Variants in PCDHGA1 observed in about 807,000 individuals in gnomAD.
PCDHGA1 encodes the protein protocadherin gamma subfamily A, 1.
In PCDHGA1, 32 loss-of-function variants were observed where a neutral mutation model predicts 58.0. That is an observed-to-expected ratio of 0.55 (90% CI 0.42 to 0.74). The LOEUF (loss-of-function observed/expected upper bound fraction) is 0.74, where lower values mean the gene tolerates loss of function less well. Among genes scored for constraint, PCDHGA1 ranks in the 30% least tolerant of loss-of-function variants. The probability of loss-of-function intolerance (pLI) is 0.00; values close to 1 mark genes in which losing one functional copy is unlikely to be tolerated. For missense variants in PCDHGA1, 1,205 were observed against 1,182.3 expected (o/e 1.02, Z -0.28); for synonymous variants, 498 against 501.1 (o/e 0.99, Z 0.08).
At chr5:141,366,085 C>A (rs938214198) in intron 1 of PCDHGA1, 6 of 1,614,150 alleles carry the variant, frequency 3.7e-6, no homozygotes, top group Non-Finnish European at 5.1e-6. Context: ...CAGAACCTGG[C>A]TACCTGGTGA....
chr5:141,423,213 C>A, intron 1 of PCDHGA1: 1 of 1,613,710 alleles, frequency 6.2e-7, no homozygotes, highest in Non-Finnish European at 8.5e-7. Flanking sequence ...TCACGCTCAC[C>A]GTGGCTGTGG....
At chr5:141,484,120 C>A (rs1158603108) in intron 1 of PCDHGA1, among the ~76,000 whole-genome samples, 1 of 152,146 alleles carries the variant, frequency 6.6e-6, no homozygotes, top group African/African-American at 2.4e-5. Flanking sequence ...ATCAAGAATA[C>A]CTTGGTGTCA....
chr5:141,373,048 A>G (rs1215321006), intron 1 of PCDHGA1, among the ~76,000 whole-genome samples: 2 of 152,146 alleles, frequency 1.3e-5, no homozygotes, highest in African/African-American at 4.8e-5. Flanking sequence ...ATCCTAATAC[A>G]CTATAATCTG....
At chr5:141,497,827 C>T (rs1390986916) in intron 2 of PCDHGA1, among the ~76,000 whole-genome samples, 3 of 152,188 alleles carry the variant, frequency 2.0e-5, no homozygotes, top group East Asian at 3.9e-4. Flanking sequence ...GGTGTGATCG[C>T]CCCCGGCCAC....
Position 141,332,014 on chromosome 5 carries a change from G to T in PCDHGA1, c.1330G>T (p.Asp444Tyr), listed in dbSNP as rs559852234. ...TETHISLLVT[D>Y]INDNSPVFHQ... ...AACTCACATTTCACTACTAGTGACA[G>T]ATATCAATGACAACTCCCCAGTCTT... Residue 444 changes from aspartate to tyrosine, a missense_variant, in exon 1 of 4, where the codon GAT becomes TAT. Coordinates refer to ENST00000517417, the MANE Select transcript of PCDHGA1 (RefSeq NM_018912.3). This position sits in a 1 kb window ranked among gnomAD's most constrained non-coding sequence, Gnocchi z 4.6. 21 of 1,614,142 alleles carry T rather than the reference G, an allele frequency of 1.3e-5. No homozygotes were observed. The highest frequency in any genetic ancestry group is 1.7e-5 in the Non-Finnish European group (20 of 1,180,024).
At chr5:141,478,498 G>T in intron 1 of PCDHGA1, 1 of 1,612,710 alleles carries the variant, frequency 6.2e-7, no homozygotes, top group South Asian at 1.1e-5. Context: ...GCTGTGATCC[G>T]GTGTTCTATA....
chr5:141,475,823 T>C (rs2099373850), intron 1 of PCDHGA1: 1 of 360,288 alleles, frequency 2.8e-6, no homozygotes, highest in Non-Finnish European at 5.0e-6. Context: ...TTCCTGGCGC[T>C]AGCGCGTGTC....
chr5:141,396,811 A>G (rs999771105), intron 1 of PCDHGA1, among the ~76,000 whole-genome samples: 1 of 152,226 alleles, frequency 6.6e-6, no homozygotes, highest in Non-Finnish European at 1.5e-5. Flanking sequence ...GTAGTGTTCT[A>G]CTGTATGGTG....
chr5:141,351,481 C>A, intron 1 of PCDHGA1: 1 of 1,613,934 alleles, frequency 6.2e-7, no homozygotes, highest in South Asian at 1.1e-5. Context: ...GAGCCCTAAA[C>A]CGGGAGCAGA....
chr5:141,450,931 T>G (rs571428678), intron 1 of PCDHGA1, among the ~76,000 whole-genome samples: 2 of 151,650 alleles, frequency 1.3e-5, no homozygotes, highest in African/African-American at 4.8e-5. Flanking sequence ...TTCAAGCAAT[T>G]CTCCTACCTC....
intron 1 of PCDHGA1, chr5:141,389,520 C>T: frequency 6.2e-7 from 1 of 1,613,184 alleles, no homozygotes; most frequent in Non-Finnish European, 8.5e-7. Flanking sequence ...GAACGTGAGC[C>T]TGCGCGTGTT....
intron 1 of PCDHGA1, chr5:141,394,606 C>T (rs747606142): frequency 3.1e-6 from 5 of 1,613,486 alleles, no homozygotes; most frequent in Admixed American, 1.7e-5. Context: ...GACAGAGACT[C>T]GGGCCAGAAC....
At position 141,332,573 on chromosome 5, in the gene PCDHGA1, G is replaced by C. The variant is rs768722392; in HGVS notation, c.1889G>C (p.Arg630Pro). 4 of 1,612,544 alleles carry C rather than the reference G, an allele frequency of 2.5e-6. No individual in the cohort carries two copies. Among genetic ancestry groups the C allele is most frequent in the Non-Finnish European group, 3.4e-6 (4 of 1,179,826 alleles). Residue 630 changes from arginine (R) to proline (P), a missense_variant, in exon 1 of 4, where the codon CGA becomes CCA. Transcript: ENST00000517417. The surrounding 1 kb of genome is among the most constrained non-coding windows in gnomAD (Gnocchi z 4.6). ...GLHTGEVRTA[R>P]ALLDRDALKQ... is the part of the protein sequence containing the mutation. ...CACACGGGCGAGGTGCGCACGGCGC[G>C]AGCCCTGCTGGACAGAGACGCGCTC... is the stretch of plus-strand genomic sequence containing the variant.
At chr5:141,419,991 T>C (rs1192003266) in intron 1 of PCDHGA1, 1 of 1,614,078 alleles carries the variant, frequency 6.2e-7, no homozygotes. Context: ...ATTCTAGCTA[T>C]TGCTCTACGC....
chr5:141,367,552 A>ATAAATAAG (rs1765229761), intron 1 of PCDHGA1: 1 of 147,664 alleles, frequency 6.8e-6, no homozygotes, highest in South Asian at 2.1e-4. Context: ...AAATAAATAA[A>ATAAATAAG]TAAATAAATA....
chr5:141,355,598 T>C (rs749684792), intron 1 of PCDHGA1: 15 of 1,613,952 alleles, frequency 9.3e-6, no homozygotes, highest in Non-Finnish European at 1.3e-5. Context: ...CCACCCAGTT[T>C]TGGGACAGAA....
chr5:141,409,734 G>C (rs1278458472), intron 1 of PCDHGA1: 2 of 1,613,144 alleles, frequency 1.2e-6, no homozygotes, highest in Admixed American at 3.3e-5. Flanking sequence ...AGCGCGCAGA[G>C]CGGGGTGGTG....
intron 1 of PCDHGA1, chr5:141,344,037 A>G: frequency 6.5e-7 from 1 of 1,548,442 alleles, no homozygotes; most frequent in Non-Finnish European, 8.7e-7. Flanking sequence ...AAAGGAAATG[A>G]CCAATTGCCT....
rs530007628 is a variant in PCDHGA1 at position 141,376,702 on chromosome 5, C to T, written c.2421+43597C>T. 1,559 of 561,286 alleles carry T rather than the reference C, an allele frequency of 2.8e-3. 9 individuals carry two copies. The highest frequency in any genetic ancestry group is 3.4e-3 in the Non-Finnish European group (1,255 of 368,136). The allele number at this position is 561,286 out of a possible 1,614,324, so 34.8% of individuals were successfully genotyped here. On this transcript the variant is annotated intron_variant, in intron 1 of 3. Transcript: ENST00000517417. Reference sequence around the variant, plus strand: ...TTTTTTTTTTTTTTTTTTTTTGAGACGGAGTCTCGCTCTGTCGCCCAGGCC... The same window carrying T: ...TTTTTTTTTTTTTTTTTTTTTGAGATGGAGTCTCGCTCTGTCGCCCAGGCC...
Sources: gnomAD v4.1 joint callset for allele counts (sites outside exome capture counted in the v4.1 genomes callset) on GRCh38, gnomAD v4.1.1 for gene constraint, Gnocchi (gnomAD v3.1) non-coding constraint, MANE v1.5 for transcripts, NCBI Gene and HGNC (gene_info 2026-07-23, HGNC 2026-07-21) for gene names.